The following UGDH variants were observed in gnomAD, a reference collection of about 807,000 sequenced individuals.
UGDH encodes UDP-glucose 6-dehydrogenase.
A neutral mutation model predicts 50.6 loss-of-function variants in UGDH; 38 were observed. The observed-to-expected ratio is 0.75, with a 90% confidence interval of 0.58 to 0.98. The LOEUF is 0.98. Among genes scored for constraint, UGDH ranks in the 50% least tolerant of loss-of-function variants. The pLI, the probability that UGDH is intolerant of heterozygous loss-of-function variation, is 0.00. For synonymous variants in UGDH, 168 were observed against 199.9 expected (o/e 0.84, Z 1.35); for missense variants, 465 against 606.2 (o/e 0.77, Z 2.45).
At chr4:39,508,940 G>C (rs538325430) in intron 6 of UGDH, among the ~76,000 whole-genome samples, 21 of 143,276 alleles carry the variant, frequency 1.5e-4, no homozygotes, top group Admixed American at 2.9e-4. Flanking sequence ...CATTCATCTA[G>C]TATGACTGCC....
In UGDH at chr4:39,505,538, T is replaced by C. The variant is rs1745992458; in HGVS notation, c.1037+80A>G. 1.4e-5 allele frequency: 18 copies of C among 1,313,230 alleles called. No homozygotes were observed. The South Asian group carries it at 4.0e-4, about 29-fold the overall frequency. The allele number at this position is 1,313,230 out of a possible 1,614,324, so 81.3% of individuals were successfully genotyped here. On this transcript the variant is annotated intron_variant, in intron 8 of 11. Coordinates refer to ENST00000316423, the MANE Select transcript of UGDH (RefSeq NM_003359.4). ...TTTATATATATACATGTATTTTATG[T>C]ACACCTACCCCAATCAAAAAATTAA...
In UGDH at chr4:39,504,481, T is replaced by A. The variant is rs770011021; in HGVS notation, c.1199A>T (p.Asp400Val). The A allele has an allele frequency of 2.5e-6, 4 of 1,613,898 alleles. No homozygotes were observed. The highest frequency in any genetic ancestry group is 3.4e-6 in the Non-Finnish European group (4 of 1,179,982). Residue 400 changes from aspartate to valine, a missense_variant, in exon 10 of 12, where the codon GAT (aspartate) becomes GTT (valine). Coordinates refer to ENST00000316423, the MANE Select transcript of UGDH (RefSeq NM_003359.4). ...QVSRLVTISK[D>V]PYEACDGAHA... is the part of the protein sequence containing the mutation. ...GGCACCATCACATGCTTCATATGGA[T>A]CCTTGGAAATGGTCACGAGCCGGGA... is the stretch of plus-strand genomic sequence containing the variant.
intron 6 of UGDH, 52 bp from the exon 7 acceptor site, chr4:39,508,712 A>T: frequency 6.7e-7 from 1 of 1,484,684 alleles, no homozygotes. Flanking sequence ...GAGAAAACTC[A>T]ATCATGTGAC....
chr4:39,523,493 T>C (rs1746751927), intron 1 of UGDH, among the ~76,000 whole-genome samples: 1 of 152,216 alleles, frequency 6.6e-6, no homozygotes, highest in African/African-American at 2.4e-5. Flanking sequence ...CTTAGCCATA[T>C]GAAATAAATT....
chr4:39,509,762 A>G lies in UGDH; in HGVS notation c.809T>C (p.Val270Ala). The G allele has an allele frequency of 6.2e-7, 1 of 1,600,450 alleles. No homozygotes were observed. The highest frequency in any genetic ancestry group is 2.2e-5 in the East Asian group (1 of 44,852). The change falls in exon 6 of 12, where the codon GTT (valine) becomes GCT (alanine). Residue 270 changes from valine to alanine, a missense_variant and splice_region_variant. By Grantham distance (64) the Val-to-Ala change is moderately conservative. Transcript: ENST00000316423. ...ACTAGAGAAAAATTTGAATTTACCA[A>G]CACTGGCTTTTAGAAACTTGTTTCC... ...RIGNKFLKASVGFGGSCFQKD... is the reference protein window; with the variant it reads ...RIGNKFLKASAGFGGSCFQKD...
intron 1 of UGDH, among the ~76,000 whole-genome samples, chr4:39,522,167 T>C (rs978058975): frequency 1.3e-5 from 2 of 152,224 alleles, no homozygotes; most frequent in Non-Finnish European, 2.9e-5. Context: ...ATTTTTTTCC[T>C]TCCCAATGCC....
chr4:39,521,206 G>A (rs984877388), intron 2 of UGDH, 145 bp downstream of exon 2: 53 of 762,642 alleles, frequency 6.9e-5, no homozygotes, highest in Non-Finnish European at 5.8e-5. Context: ...GTGTTTTAAT[G>A]TCCATGTGTT....
chr4:39,512,292 A>G (rs1345495241), intron 3 of UGDH, among the ~76,000 whole-genome samples: 1 of 152,224 alleles, frequency 6.6e-6, no homozygotes, highest in Non-Finnish European at 1.5e-5. Context: ...ATTATAACCC[A>G]ATGGGAGACT....
At position 39,501,562 on chromosome 4, in the gene UGDH, C is replaced by T. The variant is rs183268958; in HGVS notation, c.1375-1309G>A. Among the ~76,000 whole-genome samples, 224 of 152,204 alleles carry T rather than the reference C, an allele frequency of 1.5e-3. 4 individuals are homozygous for T. The highest frequency in any genetic ancestry group is 1.2e-3 in the Non-Finnish European group (82 of 68,002). Reference sequence around the variant, plus strand: ...TGCTGGGATTACAGGCGTGAGCCACCGCACCCGGCCAGCATAATTCTTAAG... The same window carrying T: ...TGCTGGGATTACAGGCGTGAGCCACTGCACCCGGCCAGCATAATTCTTAAG... On this transcript the variant is annotated intron_variant, in intron 11 of 11. Coordinates refer to ENST00000316423, the MANE Select transcript of UGDH (RefSeq NM_003359.4).
intron 3 of UGDH, 98 bp downstream of exon 3, chr4:39,513,985 T>A (rs1746347980): frequency 1.9e-6 from 2 of 1,037,994 alleles, no homozygotes; most frequent in Non-Finnish European, 2.8e-6. Context: ...CTAAGCAATG[T>A]TGAGGCTTAA....
At chr4:39,525,123 GCTTTAA>G (rs1746821897) in intron 1 of UGDH, among the ~76,000 whole-genome samples, 1 of 152,250 alleles carries the variant, frequency 6.6e-6, no homozygotes, top group Non-Finnish European at 1.5e-5. Flanking sequence ...TCTTCAATAA[GCTTTAA>G]CATGGAGTTT....
intron 1 of UGDH, 104 bp downstream of exon 1, chr4:39,527,179 G>T (rs1043511838): frequency 4.8e-6 from 6 of 1,242,928 alleles, no homozygotes; most frequent in African/African-American, 1.5e-5. Context: ...CGCAGCGAGC[G>T]ACCGGGAGCA....
At chr4:39,517,827 T>C (rs1746493911) in intron 2 of UGDH, among the ~76,000 whole-genome samples, 1 of 152,248 alleles carries the variant, frequency 6.6e-6, no homozygotes, top group Non-Finnish European at 1.5e-5. Flanking sequence ...TTTGTAAGAT[T>C]TTAACCATAT....
At chr4:39,508,693 T>G (rs753749456) in intron 6 of UGDH, 33 bp from the exon 7 acceptor site, 3 of 1,564,990 alleles carry the variant, frequency 1.9e-6, no homozygotes, top group South Asian at 2.4e-5. Context: ...AATATTTTCA[T>G]GTAAGAACGA....
In UGDH at chr4:39,505,349, A is replaced by AAT. The variant is rs1277201067; in HGVS notation, c.1057_1058dup (p.Ser354LeufsTer5). ...CACCTTCATCCATCAAATATTTGCT[A>AAT]ATATATATACTAGAAGATTCTCTAT... On this transcript the variant is annotated frameshift_variant, in exon 9 of 12. Coordinates refer to ENST00000316423, the MANE Select transcript of UGDH (RefSeq NM_003359.4). LOFTEE classifies it high-confidence loss of function. The AAT allele has an allele frequency of 1.3e-6, 2 of 1,578,820 alleles. No homozygotes were observed. Among genetic ancestry groups the AAT allele is most frequent in the Non-Finnish European group, 8.6e-7 (1 of 1,162,872 alleles).
chr4:39,507,942 C>CAA (rs34122254), intron 7 of UGDH, among the ~76,000 whole-genome samples: 25 of 76,328 alleles, frequency 3.3e-4, no homozygotes, highest in South Asian at 8.9e-4. Context: ...GATCTTGTCT[C>CAA]AAAAAAAAAA....
At position 39,508,573 on chromosome 4, in the gene UGDH, C is replaced by A; in HGVS notation, c.899G>T (p.Trp300Leu). The change falls in exon 7 of 12, where the codon TGG (tryptophan) becomes TTG (leucine). Residue 300 changes from tryptophan (W) to leucine (L), a missense_variant. Transcript: ENST00000316423. ...ALNLPEVARY[W>L]QQVIDMNDYQ... The stretch of plus-strand genomic sequence containing the variant: ...ACCTATAGAGATTAATACCTGCTGC[C>A]AATAACGAGCTACTTCTGGCAAATT... 6.2e-7 allele frequency: 1 copy of A among 1,611,020 alleles called. No individual in the cohort carries two copies. The highest frequency in any genetic ancestry group is 8.5e-7 in the Non-Finnish European group (1 of 1,179,052).
In UGDH at chr4:39,502,311, C is replaced by T. The variant is rs115665088; in HGVS notation, c.1374+1564G>A. Among the ~76,000 whole-genome samples, 578 of 152,268 alleles carry T rather than the reference C, an allele frequency of 3.8e-3. 2 individuals are homozygous for T. Among genetic ancestry groups the T allele is most frequent in the African/African-American group, 0.013 (556 of 41,536 alleles). ...ATGGAAGAGTTCACAGACAAGGATG[C>T]CATTTGATTCTTTCCACAAGTAAAT... On this transcript the variant is annotated intron_variant, in intron 11 of 11. Coordinates refer to ENST00000316423, the MANE Select transcript of UGDH (RefSeq NM_003359.4).
intron 11 of UGDH, 57 bp downstream of exon 11, chr4:39,503,818 G>C (rs1384781651): frequency 4.0e-6 from 6 of 1,485,594 alleles, no homozygotes; most frequent in Non-Finnish European, 4.6e-6. Context: ...CCCAGTTGTT[G>C]AATCAAACAC....
Sources: allele counts gnomAD v4.1 joint callset (sites outside exome capture counted in the v4.1 genomes callset), GRCh38; gene constraint gnomAD v4.1.1; transcripts MANE v1.5; gene names NCBI Gene and HGNC (gene_info 2026-07-23, HGNC 2026-07-21).